The following BABAM2 variants were observed in gnomAD, a reference collection of about 807,000 sequenced individuals.
BABAM2 encodes the protein BRISC and BRCA1-A complex member 2.
A neutral mutation model predicts 54.7 loss-of-function variants in BABAM2; 31 were observed. The observed-to-expected ratio is 0.57, with a 90% CI of 0.43 to 0.77. BABAM2 has a LOEUF of 0.77. Among genes scored for constraint, BABAM2 ranks in the 30% least tolerant of loss-of-function variants. The pLI, the probability that BABAM2 is intolerant of heterozygous loss-of-function variation, is 0.00. For synonymous variants in BABAM2, 167 were observed against 162.9 expected, an observed-to-expected ratio of 1.03 and a Z score of -0.19; for missense variants, 364 against 455.8, an observed-to-expected ratio of 0.80 and a Z score of 1.83.
At chr2:28,153,842 C>T (rs1031057386) in intron 7 of BABAM2, among the ~76,000 whole-genome samples, 3 of 152,196 alleles carry the variant, frequency 2.0e-5, no homozygotes, top group Admixed American at 1.3e-4. Flanking sequence ...TTAGGAGTTA[C>T]TACCTAATTT....
At chr2:28,082,105 T>C (rs1041515811) in intron 6 of BABAM2, among the ~76,000 whole-genome samples, 8 of 135,746 alleles carry the variant, frequency 5.9e-5, no homozygotes, top group Non-Finnish European at 1.2e-4. Flanking sequence ...GGCATATTGC[T>C]ATGGGGGAAA....
chr2:27,927,306 C>T (rs1418758284), intron 2 of BABAM2, among the ~76,000 whole-genome samples: 1 of 152,178 alleles, frequency 6.6e-6, no homozygotes, highest in Non-Finnish European at 1.5e-5. Flanking sequence ...CAGGTTAATC[C>T]TGACGATTTC....
intron 7 of BABAM2, among the ~76,000 whole-genome samples, chr2:28,230,381 G>A (rs1426294770): frequency 6.6e-6 from 1 of 152,080 alleles, no homozygotes; most frequent in Non-Finnish European, 1.5e-5. Flanking sequence ...GCTAACAACA[G>A]GTCTAGAAAA....
chr2:28,016,587 A>G (rs1674839035), intron 4 of BABAM2: 1 of 524,606 alleles, frequency 1.9e-6, no homozygotes, highest in African/African-American at 1.9e-5. Context: ...ACTTCTGTAC[A>G]TCCCAGAATC....
At chr2:28,058,096 A>G (rs141965986) in intron 6 of BABAM2, among the ~76,000 whole-genome samples, 359 of 152,138 alleles carry the variant, frequency 2.4e-3, no homozygotes, top group African/African-American at 8.1e-3. Context: ...GTAAGCCAAG[A>G]TCACGCTACT....
chr2:27,975,748 TAAGAGG>T (rs959902802), intron 3 of BABAM2, among the ~76,000 whole-genome samples: 2 of 2,492 alleles, frequency 8.0e-4, no homozygotes, highest in South Asian at 0.083. Context: ...AAGAGACTGT[TAAGAGG>T]AAGAGGAGGA....
rs1410765356 is a variant in BABAM2, at chr2:28,043,292, G to A, written c.496-2433G>A. On this transcript the variant is annotated intron_variant, in intron 5 of 11. Transcript: ENST00000379624. ...ATTACAGGCACATGCCACCATGCCTGGCTAATTTTTGTATTTTTAGTAGAG... is the reference window on the plus strand; with the variant it reads ...ATTACAGGCACATGCCACCATGCCTAGCTAATTTTTGTATTTTTAGTAGAG... 2.0e-5 allele frequency among the ~76,000 whole-genome samples: 3 copies of A among 151,778 alleles called. No homozygotes were observed. The East Asian group carries it at 5.9e-4, about 30-fold the overall frequency.
chr2:28,120,676 A>T (rs748465989), intron 6 of BABAM2, among the ~76,000 whole-genome samples: 2 of 152,230 alleles, frequency 1.3e-5, no homozygotes, highest in Admixed American at 6.5e-5. Context: ...CCTAGTAGGA[A>T]GAAGGAGATC....
intron 3 of BABAM2, among the ~76,000 whole-genome samples, chr2:27,952,710 G>T (rs1224688713): frequency 6.6e-6 from 1 of 152,200 alleles, no homozygotes; most frequent in Non-Finnish European, 1.5e-5. Context: ...CTCCAGACCA[G>T]TTTGGGATGC....
chr2:28,143,111 C>G (rs1480173487), intron 7 of BABAM2, among the ~76,000 whole-genome samples: 2 of 151,286 alleles, frequency 1.3e-5, no homozygotes, highest in African/African-American at 4.9e-5. Flanking sequence ...GGGAAACAAC[C>G]TAATTGTCCA....
At chr2:28,070,618 C>T (rs991831089) in intron 6 of BABAM2, among the ~76,000 whole-genome samples, 17 of 149,916 alleles carry the variant, frequency 1.1e-4, no homozygotes, top group African/African-American at 3.5e-4. Context: ...GGCGGGATCT[C>T]GGCTCACTGC....
intron 10 of BABAM2, among the ~76,000 whole-genome samples, chr2:28,290,105 C>CT (rs957404513): frequency 6.6e-6 from 1 of 152,188 alleles, no homozygotes. Context: ...CTGCAGCTTG[C>CT]TTTTTTCACT....
intron 2 of BABAM2, among the ~76,000 whole-genome samples, chr2:27,902,362 G>A (rs2148281097): frequency 6.6e-6 from 1 of 152,252 alleles, no homozygotes; most frequent in South Asian, 2.1e-4. Context: ...TGTATACTGG[G>A]TCATAATGAA....
chr2:28,101,422 A>G (rs1309970147), intron 6 of BABAM2, among the ~76,000 whole-genome samples: 1 of 152,220 alleles, frequency 6.6e-6, no homozygotes, highest in African/African-American at 2.4e-5. Context: ...TGGCATGTGA[A>G]GTGAGACACA....
At chr2:28,250,584 C>CTTTTTTTTTTTTTTTTTTT (rs34597279) in intron 10 of BABAM2, among the ~76,000 whole-genome samples, 11 of 137,002 alleles carry the variant, frequency 8.0e-5, no homozygotes, top group African/African-American at 1.1e-4. Flanking sequence ...ATATTTTTTT[C>CTTTTTTTTTTTTTTTTTTT]TTTTTTTTTT....
At chr2:28,226,169 C>T (rs760539232) in intron 7 of BABAM2, among the ~76,000 whole-genome samples, 4 of 152,134 alleles carry the variant, frequency 2.6e-5, no homozygotes, top group East Asian at 3.8e-4. Context: ...ATATTATCTG[C>T]GGCTGCCTTT....
intron 7 of BABAM2, among the ~76,000 whole-genome samples, chr2:28,221,857 A>G (rs1432888994): frequency 2.6e-5 from 4 of 152,178 alleles, no homozygotes; most frequent in Non-Finnish European, 2.9e-5. Context: ...TGTTCAGGCA[A>G]TGAGCATGCC....
chr2:28,005,012 C>T (rs996842775), intron 4 of BABAM2, among the ~76,000 whole-genome samples: 4 of 152,006 alleles, frequency 2.6e-5, no homozygotes, highest in Admixed American at 1.3e-4. Context: ...ACTAGTTAAC[C>T]ATTTATTTTA....
intron 3 of BABAM2, among the ~76,000 whole-genome samples, chr2:27,947,566 G>A (rs911212593): frequency 1.3e-5 from 2 of 152,040 alleles, no homozygotes; most frequent in Non-Finnish European, 2.9e-5. Context: ...TCTTATCATT[G>A]AGTTTTGAGA....
Sources: gnomAD v4.1 joint callset for allele counts (sites outside exome capture counted in the v4.1 genomes callset) on GRCh38, gnomAD v4.1.1 for gene constraint, MANE v1.5 for transcripts, NCBI Gene and HGNC (gene_info 2026-07-23, HGNC 2026-07-21) for gene names.